The following PLAGL2 variants were observed in gnomAD, a reference collection of about 807,000 sequenced individuals.
PLAGL2 encodes the protein PLAG1 like zinc finger 2.
A neutral mutation model predicts 29.0 loss-of-function variants in PLAGL2; 7 were observed. The ratio of observed to expected loss-of-function variants is 0.24; its 90% CI spans 0.14 to 0.45. The LOEUF (loss-of-function observed/expected upper bound fraction) is 0.45. Among genes scored for constraint, PLAGL2 ranks in the 20% least tolerant of loss-of-function variants. The pLI is 0.99. For missense variants in PLAGL2, 454 were observed against 648.2 expected (o/e 0.70, Z 3.25); for synonymous variants, 234 against 266.0 (o/e 0.88, Z 1.17).
chr20:32,207,417 G>A (rs1383889087), intron 1 of PLAGL2, among the ~76,000 whole-genome samples: 1 of 152,152 alleles, frequency 6.6e-6, no homozygotes, highest in Admixed American at 6.5e-5. Flanking sequence ...GCTTCCTCGG[G>A]TCCCCCAGAC....
Position 32,197,227 on chromosome 20 carries a change from T to C in PLAGL2, c.716A>G (p.Lys239Arg), listed in dbSNP as rs1600373787. Residue 239 changes from lysine to arginine, a missense_variant, in exon 3 of 3, where the codon AAG becomes AGG. Around this residue, in one of 4 missense-constraint regions of PLAGL2, gnomAD observed 247 missense variants for 350.3 expected, o/e 0.71. Coordinates refer to ENST00000246229, the MANE Select transcript of PLAGL2 (RefSeq NM_002657.3). The surrounding 1 kb of genome is among the most constrained non-coding windows in gnomAD (Gnocchi z 6.6). ...GRKDHLTRHV[K>R]KSHSQELLKI... ...GAGCAGCTCCTGCGAGTGGCTCTTC[T>C]TGACATGACGCGTCAGGTGGTCCTT... 1.2e-6 allele frequency: 2 copies of C among 1,614,226 alleles called. No homozygotes were observed.
chr20:32,206,049 C>T (rs908168973), intron 1 of PLAGL2, among the ~76,000 whole-genome samples: 1 of 152,132 alleles, frequency 6.6e-6, no homozygotes, highest in African/African-American at 2.4e-5. Context: ...GAAATAGACC[C>T]AGAACGTTCC....
At chr20:32,201,191 G>T (rs6061222) in intron 2 of PLAGL2, among the ~76,000 whole-genome samples, 9,887 of 152,212 alleles carry the variant, frequency 0.065, 1,138 homozygotes, top group African/African-American at 0.23. Flanking sequence ...GACTGGGCCA[G>T]AAGGTCTACT....
chr20:32,197,645 A>G lies in PLAGL2; in HGVS notation c.298T>C (p.Cys100Arg). 1 of 1,614,026 alleles carries G rather than the reference A, an allele frequency of 6.2e-7. No individual in the cohort carries two copies. The highest frequency in any genetic ancestry group is 8.5e-7 in the Non-Finnish European group (1 of 1,179,954). ...TGAAACATCTTATCACAGTACATAC[A>G]CTGGTGGGGTTTCTGGGCTGAGTGG... ...ATHSAQKPHQ[C>R]MYCDKMFHRK... is the part of the protein sequence containing the mutation. Residue 100 changes from cysteine (C) to arginine (R), a missense_variant, in exon 3 of 3, where the codon TGT becomes CGT. By Grantham distance (180) the Cys-to-Arg change is radical. This residue lies in a region of PLAGL2 where 111 missense variants were observed against 173.1 expected (regional missense o/e 0.64). Coordinates refer to ENST00000246229, the MANE Select transcript of PLAGL2 (RefSeq NM_002657.3). This position sits in a 1 kb window ranked among gnomAD's most constrained non-coding sequence, Gnocchi z 6.6.
At position 32,193,054 on chromosome 20, in the gene PLAGL2, C is replaced by T. The variant is rs1010611138; in HGVS notation, c.*3398G>A. ...GTTCCAGGAGAGGCCAGGGTGGGAT[C>T]CCAGAGGAATCTGGACTTTTCTGGC... On this transcript the variant is annotated 3_prime_UTR_variant, in exon 3 of 3. Coordinates refer to ENST00000246229, the MANE Select transcript of PLAGL2 (RefSeq NM_002657.3). The T allele has an allele frequency of 3.7e-4, 57 of 152,646 alleles. No homozygotes were observed. The highest frequency in any genetic ancestry group is 4.1e-4 in the Non-Finnish European group (28 of 68,050). 9.5% of individuals were successfully genotyped at this position (152,646 alleles called of 1,614,324 possible). A position where few individuals can be genotyped will look rare whatever the true frequency, so the allele number is the denominator to read the frequency against.
rs1170498920 is a variant in PLAGL2, at chr20:32,197,094, T to G, written c.849A>C (p.Val283=). The G allele has an allele frequency of 1.2e-6, 2 of 1,614,062 alleles. No homozygotes were observed. The highest frequency in any genetic ancestry group is 2.7e-5 in the African/African-American group (2 of 74,932). The stretch of plus-strand genomic sequence containing the variant: ...TGCCAGGGAAGGCCTTGGTCCCCAT[T>G]ACGTCCCGAGAGGCCATGCACAGCA... ...SPVLCMASRD[V]MGTKAFPGML... Residue 283 remains valine (V), a synonymous_variant, in exon 3 of 3, where the codon GTA becomes GTC. Transcript: ENST00000246229. The surrounding 1 kb of genome is among the most constrained non-coding windows in gnomAD (Gnocchi z 6.6).
rs1005814108 is a variant in PLAGL2 at position 32,193,720 on chromosome 20, T to G, written c.*2732A>C. ...TACTGAAGTGAGTTCGGGTACTGAGTGCAGGATAAAGCTATTCTTATCCTT... is the reference window on the plus strand; with the variant it reads ...TACTGAAGTGAGTTCGGGTACTGAGGGCAGGATAAAGCTATTCTTATCCTT... On this transcript the variant is annotated 3_prime_UTR_variant, in exon 3 of 3. Coordinates refer to ENST00000246229, the MANE Select transcript of PLAGL2 (RefSeq NM_002657.3). The G allele has an allele frequency of 1.2e-4, 18 of 151,938 alleles. No individual in the cohort carries two copies. The highest frequency in any genetic ancestry group is 4.4e-4 in the African/African-American group (18 of 41,326). 9.4% of individuals were successfully genotyped at this position (151,938 alleles called of 1,614,324 possible).
At chr20:32,201,843 C>T in intron 2 of PLAGL2, 76 bp downstream of exon 2, 1 of 1,306,594 alleles carries the variant, frequency 7.7e-7, no homozygotes, top group Non-Finnish European at 1.1e-6. Context: ...GATTAAAAAC[C>T]CACACTAGGC....
chr20:32,204,898 C>T (rs1370422325), intron 1 of PLAGL2, among the ~76,000 whole-genome samples: 1 of 152,206 alleles, frequency 6.6e-6, no homozygotes, highest in Non-Finnish European at 1.5e-5. Flanking sequence ...CAAACACAAT[C>T]CTTCCCAGTT....
intron 1 of PLAGL2, among the ~76,000 whole-genome samples, chr20:32,207,121 C>A (rs2047292623): frequency 6.6e-6 from 1 of 152,074 alleles, no homozygotes. Flanking sequence ...GGGGCTTATT[C>A]GACTTCTCCA....
rs1279443038 is a variant in PLAGL2, at chr20:32,197,136, C to T, written c.807G>A (p.Lys269=). 3 of 1,614,212 alleles carry T rather than the reference C, an allele frequency of 1.9e-6. No individual in the cohort carries two copies. In the South Asian group the frequency reaches 3.3e-5, roughly 18 times the overall value. The change falls in exon 3 of 3, where the codon AAG becomes AAA. Residue 269 remains lysine (K), a synonymous_variant. Coordinates refer to ENST00000246229, the MANE Select transcript of PLAGL2 (RefSeq NM_002657.3). The surrounding 1 kb of genome is among the most constrained non-coding windows in gnomAD (Gnocchi z 6.6). ...LLSCSSTVSV[K]EELSPVLCMA... is the part of the protein sequence containing the mutation. ...TGCACAGCACAGGGCTCAGCTCTTC[C>T]TTCACACTGACTGTGGAGCTGCAGC... is the stretch of plus-strand genomic sequence containing the variant.
In PLAGL2 at chr20:32,197,215, G is replaced by A. The variant is rs534932070; in HGVS notation, c.728C>T (p.Ser243Leu). The change falls in exon 3 of 3, where the codon TCG (serine) becomes TTG (leucine). Residue 243 changes from serine to leucine, a missense_variant. Around this residue, in one of 4 missense-constraint regions of PLAGL2, gnomAD observed 247 missense variants for 350.3 expected, o/e 0.71. Coordinates refer to ENST00000246229, the MANE Select transcript of PLAGL2 (RefSeq NM_002657.3). This position sits in a 1 kb window ranked among gnomAD's most constrained non-coding sequence, Gnocchi z 6.6. ...HLTRHVKKSHSQELLKIKTEP... is the reference protein window; with the variant it reads ...HLTRHVKKSHLQELLKIKTEP... ...TGTCTTGATCTTGAGCAGCTCCTGCGAGTGGCTCTTCTTGACATGACGCGT... is the reference window on the plus strand; with the variant it reads ...TGTCTTGATCTTGAGCAGCTCCTGCAAGTGGCTCTTCTTGACATGACGCGT... 2.4e-5 allele frequency: 38 copies of A among 1,614,180 alleles called. No individual in the cohort carries two copies. Among genetic ancestry groups the A allele is most frequent in the African/African-American group, 9.3e-5 (7 of 75,048 alleles).
At chr20:32,200,795 T>C in intron 2 of PLAGL2, among the ~76,000 whole-genome samples, 1 of 151,848 alleles carries the variant, frequency 6.6e-6, no homozygotes, top group Non-Finnish European at 1.5e-5. Context: ...GGTTTCACCA[T>C]GTTGGCCAGG....
intron 1 of PLAGL2, among the ~76,000 whole-genome samples, chr20:32,206,034 C>T (rs767819848): frequency 6.6e-6 from 1 of 152,142 alleles, no homozygotes; most frequent in Non-Finnish European, 1.5e-5. Context: ...CAACACCTGC[C>T]GGAGGAAATA....
At chr20:32,200,301 G>T (rs1462259771) in intron 2 of PLAGL2, among the ~76,000 whole-genome samples, 1 of 151,322 alleles carries the variant, frequency 6.6e-6, no homozygotes, top group African/African-American at 2.4e-5. Flanking sequence ...GCAGTGGTGT[G>T]ATCTCGGCTC....
At position 32,196,760 on chromosome 20, in the gene PLAGL2, G is replaced by A; in HGVS notation, c.1183C>T (p.Leu395=). 3 of 1,601,096 alleles carry A rather than the reference G, an allele frequency of 1.9e-6. No individual in the cohort carries two copies. The highest frequency in any genetic ancestry group is 2.6e-6 in the Non-Finnish European group (3 of 1,172,790). The part of the protein sequence containing the change: ...AAAAALLDEA[L]LAKSPANLSE... ...AGGTTGGCGGGGCTCTTGGCAAGCAGTGCTTCATCTAGGAGGGCCGCAGCT... is the reference window on the plus strand; with the variant it reads ...AGGTTGGCGGGGCTCTTGGCAAGCAATGCTTCATCTAGGAGGGCCGCAGCT... The change falls in exon 3 of 3, where the codon CTG becomes TTG. Residue 395 remains leucine, a synonymous_variant. Transcript: ENST00000246229.
intron 2 of PLAGL2, among the ~76,000 whole-genome samples, chr20:32,199,390 C>T (rs1241045938): frequency 1.3e-5 from 2 of 152,184 alleles, no homozygotes; most frequent in African/African-American, 2.4e-5. Context: ...TTTCATTTCC[C>T]TCATTTTGCA....
Position 32,197,541 on chromosome 20 carries a change from C to G in PLAGL2, c.402G>C (p.Lys134Asn). 2 of 1,614,238 alleles carry G rather than the reference C, an allele frequency of 1.2e-6. No homozygotes were observed. Among genetic ancestry groups the G allele is most frequent in the Non-Finnish European group, 1.7e-6 (2 of 1,180,052 alleles). ...GGTAGCCCAGCTTCGTATTGTAATT[C>G]TTACCGCACTCAGAGCAGTGGAGGG... ...KEALHCSECGKNYNTKLGYRR... is the reference protein window; with the variant it reads ...KEALHCSECGNNYNTKLGYRR... Residue 134 changes from lysine to asparagine, a missense_variant, in exon 3 of 3, where the codon AAG becomes AAC. By Grantham distance (94) the Lys-to-Asn change is moderately conservative. Transcript: ENST00000246229. This position sits in a 1 kb window ranked among gnomAD's most constrained non-coding sequence, Gnocchi z 6.6.
intron 2 of PLAGL2, 152 bp downstream of exon 2, chr20:32,201,767 T>C (rs1054232985): frequency 5.1e-5 from 32 of 630,586 alleles, no homozygotes; most frequent in Middle Eastern, 4.3e-4. Context: ...TTTTAGTGAG[T>C]GACTTCAACT....
Sources: gnomAD v4.1 joint callset for allele counts (sites outside exome capture counted in the v4.1 genomes callset) on GRCh38, gnomAD v4.1.1 for gene constraint, gnomAD v4.1.1 regional missense constraint, Gnocchi (gnomAD v3.1) non-coding constraint, MANE v1.5 for transcripts, NCBI Gene and HGNC (gene_info 2026-07-23, HGNC 2026-07-21) for gene names.